PTPRO: variants seen among roughly 807,000 people sequenced by gnomAD.
PTPRO encodes the protein protein tyrosine phosphatase receptor type O.
Under a neutral mutation model 145.2 loss-of-function variants are expected in PTPRO, and 62 were observed. The ratio of observed to expected loss-of-function variants is 0.43; its 90% confidence interval spans 0.35 to 0.53. The LOEUF is 0.53. Among genes scored for constraint, PTPRO ranks in the 20% least tolerant of loss-of-function variants. The pLI, the probability that PTPRO is intolerant of heterozygous loss-of-function variation, is 0.01. For synonymous variants in PTPRO, 565 were observed against 514.7 expected (o/e 1.10, Z -1.32); for missense variants, 1,345 against 1,482.7 (o/e 0.91, Z 1.53).
chr12:15,461,934 T>A (rs570256570), intron 1 of PTPRO, among the ~76,000 whole-genome samples: 3 of 152,232 alleles, frequency 2.0e-5, no homozygotes, highest in African/African-American at 7.2e-5. Flanking sequence ...GTTCAACTAG[T>A]ATTCCTTTGT....
At position 15,548,528 on chromosome 12, in the gene PTPRO, A is replaced by ATATGTG. The variant is rs1555086063; in HGVS notation, c.2305-565_2305-564insATGTGT. ...TGTGTGTATATATGTGTGTATATAT[A>ATATGTG]TGTGTGTGTGTGTGTGTGTGTGTGT... On this transcript the variant is annotated intron_variant, in intron 13 of 26. Transcript: ENST00000281171. Among the ~76,000 whole-genome samples, 998 of 149,316 alleles carry ATATGTG rather than the reference A, an allele frequency of 6.7e-3. 7 individuals carry two copies. The highest frequency in any genetic ancestry group is 6.8e-3 in the Non-Finnish European group (459 of 67,218).
At chr12:15,506,397 C>T (rs1008197604) in intron 6 of PTPRO, among the ~76,000 whole-genome samples, 12 of 152,170 alleles carry the variant, frequency 7.9e-5, no homozygotes, top group Non-Finnish European at 1.5e-4. Context: ...CTCTGGGCCT[C>T]AGTTTCCTCA....
At chr12:15,560,477 ATGT>A (rs1943745588) in intron 17 of PTPRO, among the ~76,000 whole-genome samples, 3 of 151,988 alleles carry the variant, frequency 2.0e-5, no homozygotes, top group Non-Finnish European at 4.4e-5. Context: ...TTTTTCCGTG[ATGT>A]TGTTGGCAAG....
chr12:15,361,580 G>A lies in PTPRO; in HGVS notation c.75+38779G>A, dbSNP rs1287494570. ...GTGTTCTGTTAATGAACCTTGAATT[G>A]GCCACAGAAAACAATATCCTGATCT... On this transcript the variant is annotated intron_variant, in intron 1 of 26. Coordinates refer to ENST00000281171, the MANE Select transcript of PTPRO (RefSeq NM_030667.3). Among the ~76,000 whole-genome samples, 4 of 151,944 alleles carry A rather than the reference G, an allele frequency of 2.6e-5. No homozygotes were observed. The East Asian group carries it at 7.7e-4, about 29-fold the overall frequency.
intron 1 of PTPRO, among the ~76,000 whole-genome samples, chr12:15,428,504 TAA>T (rs1335454107): frequency 1.3e-5 from 2 of 152,132 alleles, no homozygotes; most frequent in African/African-American, 2.4e-5. Flanking sequence ...GGATCATATA[TAA>T]GAGTACCCCA....
chr12:15,340,268 C>T (rs1265431826), intron 1 of PTPRO, among the ~76,000 whole-genome samples: 1 of 152,160 alleles, frequency 6.6e-6, no homozygotes. Flanking sequence ...TGTAACATAC[C>T]ATACTACTTT....
chr12:15,589,115 C>T (rs1944490406), intron 24 of PTPRO, among the ~76,000 whole-genome samples: 1 of 152,142 alleles, frequency 6.6e-6, no homozygotes, highest in South Asian at 2.1e-4. Context: ...GTGGCTCACG[C>T]CTCTAATCCC....
chr12:15,322,676 C>CG lies in PTPRO; in HGVS notation c.-46dup. The CG allele has an allele frequency of 6.6e-7, 1 of 1,520,252 alleles. No homozygotes were observed. Among genetic ancestry groups the CG allele is most frequent in the Non-Finnish European group, 9.0e-7 (1 of 1,110,772 alleles). 94.2% of individuals were successfully genotyped at this position (1,520,252 alleles called of 1,614,324 possible). A position where few individuals can be genotyped will look rare whatever the true frequency, so the allele number is the denominator to read the frequency against. On this transcript the variant is annotated 5_prime_UTR_variant, in exon 1 of 27. Transcript: ENST00000281171. The surrounding 1 kb of genome is among the most constrained non-coding windows in gnomAD (Gnocchi z 6.3). ...CCAGTTCGCCATTGTGAGCCGCCGC[C>CG]GGGGGAGTCCGCTAGCGCAGCCGTG...
intron 1 of PTPRO, among the ~76,000 whole-genome samples, chr12:15,460,191 T>C: frequency 6.6e-6 from 1 of 152,202 alleles, no homozygotes; most frequent in East Asian, 1.9e-4. Flanking sequence ...GGTGGAACTA[T>C]TTATGCCTGC....
chr12:15,478,352 A>G (rs1941704030), intron 1 of PTPRO, among the ~76,000 whole-genome samples: 1 of 152,252 alleles, frequency 6.6e-6, no homozygotes, highest in Non-Finnish European at 1.5e-5. Context: ...GAAGTCTATT[A>G]ACTTCAAATC....
chr12:15,559,921 C>T (rs1943728720), intron 16 of PTPRO, among the ~76,000 whole-genome samples: 1 of 152,100 alleles, frequency 6.6e-6, no homozygotes, highest in South Asian at 2.1e-4. Flanking sequence ...ATGTAATCAC[C>T]TGGTAGCAGA....
intron 25 of PTPRO, among the ~76,000 whole-genome samples, chr12:15,594,553 A>T (rs1227901730): frequency 1.3e-5 from 2 of 151,852 alleles, no homozygotes; most frequent in Admixed American, 6.6e-5. Context: ...ATATACACAC[A>T]CATATATATA....
intron 9 of PTPRO, 125 bp downstream of exon 9, chr12:15,517,081 T>C: frequency 1.1e-6 from 1 of 950,466 alleles, no homozygotes; most frequent in South Asian, 1.3e-5. Flanking sequence ...AGTGTGTTAG[T>C]TCATTTTCAC....
At chr12:15,333,331 T>G (rs1866665786) in intron 1 of PTPRO, among the ~76,000 whole-genome samples, 1 of 152,222 alleles carries the variant, frequency 6.6e-6, no homozygotes. Context: ...ATTCACTAAA[T>G]GACATTACAT....
At chr12:15,526,755 G>C (rs376945263) in intron 12 of PTPRO, among the ~76,000 whole-genome samples, 4 of 151,974 alleles carry the variant, frequency 2.6e-5, no homozygotes, top group East Asian at 3.9e-4. Flanking sequence ...TAAATATATG[G>C]TCAGACACAA....
chr12:15,547,055 A>G (rs1943311429), intron 13 of PTPRO, among the ~76,000 whole-genome samples: 1 of 152,356 alleles, frequency 6.6e-6, no homozygotes, highest in Admixed American at 6.5e-5. Flanking sequence ...AAAGGCACTG[A>G]ATAGAACACA....
intron 1 of PTPRO, among the ~76,000 whole-genome samples, chr12:15,327,083 G>A (rs1591703890): frequency 6.6e-6 from 1 of 152,156 alleles, no homozygotes; most frequent in African/African-American, 2.4e-5. Context: ...ATATTGACTT[G>A]TGAACACATC....
chr12:15,565,669 AT>A, intron 18 of PTPRO, 41 bp downstream of exon 18: 2 of 1,327,000 alleles, frequency 1.5e-6, no homozygotes, highest in Non-Finnish European at 2.2e-6. Flanking sequence ...GATGTTTGTT[AT>A]AATAATCTTA....
intron 1 of PTPRO, among the ~76,000 whole-genome samples, chr12:15,397,779 G>A (rs1368037717): frequency 6.6e-6 from 1 of 152,152 alleles, no homozygotes; most frequent in Non-Finnish European, 1.5e-5. Context: ...TTTAGGTGTA[G>A]GGAGATATAG....
Sources: gnomAD v4.1 joint callset for allele counts (sites outside exome capture counted in the v4.1 genomes callset) on GRCh38, gnomAD v4.1.1 for gene constraint, Gnocchi (gnomAD v3.1) non-coding constraint, MANE v1.5 for transcripts, NCBI Gene and HGNC (gene_info 2026-07-23, HGNC 2026-07-21) for gene names.